The following ROBO2 variants were observed in gnomAD, a reference collection of about 807,000 sequenced individuals.
The protein encoded by ROBO2 is roundabout guidance receptor 2, also known as roundabout homolog 2.
ROBO2 carries 53 observed loss-of-function variants against 160.8 expected under a neutral mutation model. The ratio of observed to expected loss-of-function variants is 0.33; its 90% confidence interval spans 0.26 to 0.41. The LOEUF is 0.41. ROBO2 is among the 10% of genes least tolerant of loss of function. The pLI, the probability that ROBO2 is intolerant of heterozygous loss-of-function variation, is 1.00. For missense variants in ROBO2, 1,577 were observed against 1,722.4 expected, an observed-to-expected ratio of 0.92 and a Z score of 1.49; for synonymous variants, 664 against 611.7, an observed-to-expected ratio of 1.09 and a Z score of -1.26.
chr3:76,502,502 A>G (rs1577690067), intron 2 of ROBO2, among the ~76,000 whole-genome samples: 1 of 152,386 alleles, frequency 6.6e-6, no homozygotes, highest in Middle Eastern at 3.4e-3. Flanking sequence ...AATAAAATTT[A>G]AAGTTTAGGA....
intron 2 of ROBO2, among the ~76,000 whole-genome samples, chr3:76,734,084 C>G (rs1447994329): frequency 6.6e-6 from 1 of 152,174 alleles, no homozygotes; most frequent in Non-Finnish European, 1.5e-5. Context: ...CTAACCAAAG[C>G]TCCATCTCCT....
chr3:77,610,767 A>AT (rs2094617905), intron 21 of ROBO2, among the ~76,000 whole-genome samples: 2 of 148,674 alleles, frequency 1.3e-5, no homozygotes, highest in Non-Finnish European at 3.0e-5. Flanking sequence ...AAAAAAAAAA[A>AT]GAAAATAAAT....
chr3:76,601,512 C>T (rs2087140326), intron 2 of ROBO2, among the ~76,000 whole-genome samples: 1 of 152,216 alleles, frequency 6.6e-6, no homozygotes, highest in Non-Finnish European at 1.5e-5. Context: ...AGGCTCAACA[C>T]CACATGGAAA....
At chr3:76,495,958 A>G (rs1311392798) in intron 2 of ROBO2, among the ~76,000 whole-genome samples, 1 of 152,206 alleles carries the variant, frequency 6.6e-6, no homozygotes, top group Admixed American at 6.5e-5. Flanking sequence ...ATTAACAGCC[A>G]TATTGTACTT....
intron 2 of ROBO2, among the ~76,000 whole-genome samples, chr3:77,363,855 T>G (rs1293533907): frequency 6.6e-6 from 1 of 151,964 alleles, no homozygotes; most frequent in Non-Finnish European, 1.5e-5. Context: ...AAGACGAATT[T>G]TATTTCCTAT....
intron 2 of ROBO2, among the ~76,000 whole-genome samples, chr3:77,160,115 T>C (rs376552994): frequency 8.1e-6 from 1 of 123,004 alleles, no homozygotes; most frequent in East Asian, 2.1e-4. Context: ...ACACAAAACA[T>C]GATTATAGTT....
intron 2 of ROBO2, among the ~76,000 whole-genome samples, chr3:76,641,635 A>C (rs184179786): frequency 1.1e-3 from 170 of 152,316 alleles, no homozygotes; most frequent in Non-Finnish European, 2.0e-3. Flanking sequence ...AACAAAAAAA[A>C]CCCACAAAGC....
intron 2 of ROBO2, among the ~76,000 whole-genome samples, chr3:77,231,571 G>A (rs926008349): frequency 6.6e-5 from 10 of 151,866 alleles, no homozygotes; most frequent in Non-Finnish European, 1.2e-4. Context: ...GAAAATAGAG[G>A]TGGCCACGCT....
intron 17 of ROBO2, among the ~76,000 whole-genome samples, chr3:77,593,113 G>A (rs893044576): frequency 2.0e-5 from 3 of 151,844 alleles, no homozygotes; most frequent in Non-Finnish European, 4.4e-5. Context: ...ATTTTGAGGT[G>A]TAACCCATGA....
At chr3:76,023,980 T>A (rs2066654099) in intron 2 of ROBO2, among the ~76,000 whole-genome samples, 1 of 151,584 alleles carries the variant, frequency 6.6e-6, no homozygotes, top group African/African-American at 2.4e-5. Flanking sequence ...ATTAAATACA[T>A]TGCTTCCAAT....
At chr3:76,207,985 G>T (rs1387473776) in intron 2 of ROBO2, among the ~76,000 whole-genome samples, 2 of 152,162 alleles carry the variant, frequency 1.3e-5, no homozygotes, top group African/African-American at 4.8e-5. Context: ...GTGAGTTCTT[G>T]TGAGATCTGG....
chr3:76,888,027 C>T lies in ROBO2; in HGVS notation c.110-209987C>T, dbSNP rs566394904. Among the ~76,000 whole-genome samples, 71 of 152,276 alleles carry T rather than the reference C, an allele frequency of 4.7e-4. 2 individuals are homozygous for T. Among genetic ancestry groups the T allele is most frequent in the African/African-American group, 1.6e-3 (67 of 41,548 alleles). On this transcript the variant is annotated intron_variant, in intron 2 of 26. Transcript: ENST00000487694. ...ACATTCGAATTAAGTTAAAATAGCA[C>T]TGATAATGGATAGTAGGATCCAAAC...
chr3:76,351,848 T>G (rs1352834960), intron 2 of ROBO2, among the ~76,000 whole-genome samples: 1 of 151,988 alleles, frequency 6.6e-6, no homozygotes, highest in Non-Finnish European at 1.5e-5. Context: ...TCTTCATTTA[T>G]AAAAGAGGGA....
intron 2 of ROBO2, among the ~76,000 whole-genome samples, chr3:77,180,039 T>C (rs1302261419): frequency 6.6e-6 from 1 of 151,838 alleles, no homozygotes; most frequent in East Asian, 1.9e-4. Flanking sequence ...TTGTTTGGAG[T>C]AACACTGCCA....
chr3:76,445,293 AGT>A (rs537600977), intron 2 of ROBO2, among the ~76,000 whole-genome samples: 1 of 152,232 alleles, frequency 6.6e-6, no homozygotes, highest in Non-Finnish European at 1.5e-5. Context: ...TTTAATGGAA[AGT>A]GTGTATTTTC....
At chr3:77,561,230 A>C (rs1368305780) in intron 9 of ROBO2, among the ~76,000 whole-genome samples, 1 of 152,194 alleles carries the variant, frequency 6.6e-6, no homozygotes, top group Non-Finnish European at 1.5e-5. Flanking sequence ...CAACACACTT[A>C]TAGTTTGAAC....
rs546339353 is a variant in ROBO2 at position 76,239,721 on chromosome 3, A to C, written c.109+302119A>C. Among the ~76,000 whole-genome samples the C allele has an allele frequency of 9.2e-5, 14 of 152,314 alleles. 1 individual carries two copies. The highest frequency in any genetic ancestry group is 2.1e-4 in the South Asian group (1 of 4,832). ...AAGTCTTTAATTTTTGTAACAAAAC[A>C]ATCATTGACACTTACCTAAATCCTG... On this transcript the variant is annotated intron_variant, in intron 2 of 26. Transcript: ENST00000487694.
chr3:77,380,442 G>C (rs1002956115), intron 2 of ROBO2, among the ~76,000 whole-genome samples: 1 of 152,110 alleles, frequency 6.6e-6, no homozygotes, highest in Non-Finnish European at 1.5e-5. Flanking sequence ...GAGGACCCAA[G>C]TGTAACGTCA....
intron 6 of ROBO2, among the ~76,000 whole-genome samples, chr3:77,523,627 G>A (rs775780): frequency 0.79 from 119,952 of 151,184 alleles, 48,310 homozygotes; most frequent in African/African-American, 0.93. Flanking sequence ...TTTTCAGTGG[G>A]ACTTGTTGAT....
Sources: gnomAD v4.1 joint callset for allele counts (sites outside exome capture counted in the v4.1 genomes callset) on GRCh38, gnomAD v4.1.1 for gene constraint, MANE v1.5 for transcripts, NCBI Gene and HGNC (gene_info 2026-07-23, HGNC 2026-07-21) for gene names.